The following SPAG16 variants were observed in gnomAD, a reference collection of about 807,000 sequenced individuals.
SPAG16 encodes the protein sperm-associated antigen 16 protein.
Under a neutral mutation model 80.4 loss-of-function variants are expected in SPAG16, and 86 were observed. The ratio of observed to expected loss-of-function variants is 1.07; its 90% confidence interval spans 0.90 to 1.28. SPAG16 has a LOEUF of 1.28. SPAG16 is among the 50% of genes most tolerant of loss of function. The pLI is 0.00. For synonymous variants in SPAG16, 294 were observed against 265.9 expected (o/e 1.11, Z -1.03); for missense variants, 870 against 765.3 (o/e 1.14, Z -1.61).
At chr2:213,750,249 A>T (rs560538842) in intron 10 of SPAG16, among the ~76,000 whole-genome samples, 8 of 152,210 alleles carry the variant, frequency 5.3e-5, no homozygotes, top group Admixed American at 3.9e-4. Context: ...ATTTGCCTTA[A>T]CAAGATTAGT....
At chr2:213,474,087 G>A (rs2073244447) in intron 9 of SPAG16, among the ~76,000 whole-genome samples, 1 of 152,178 alleles carries the variant, frequency 6.6e-6, no homozygotes, top group African/African-American at 2.4e-5. Context: ...TACTGGGCAT[G>A]GGGATGCTTT....
At chr2:213,991,268 C>T (rs1446454934) in intron 12 of SPAG16, among the ~76,000 whole-genome samples, 1 of 152,050 alleles carries the variant, frequency 6.6e-6, no homozygotes, top group Non-Finnish European at 1.5e-5. Context: ...TTTTCTGTTC[C>T]TGTATTACTT....
intron 15 of SPAG16, among the ~76,000 whole-genome samples, chr2:214,268,993 AG>A (rs1214715884): frequency 6.6e-6 from 1 of 152,084 alleles, no homozygotes; most frequent in Admixed American, 6.6e-5. Context: ...TTTCATTTAT[AG>A]AAAGAAACAG....
At chr2:214,325,931 A>G (rs1696445142) in intron 15 of SPAG16, among the ~76,000 whole-genome samples, 1 of 152,176 alleles carries the variant, frequency 6.6e-6, no homozygotes, top group Non-Finnish European at 1.5e-5. Context: ...TGAGCATAGG[A>G]ATCATGCCTG....
At chr2:214,032,826 T>C (rs897612334) in intron 13 of SPAG16, among the ~76,000 whole-genome samples, 3 of 152,220 alleles carry the variant, frequency 2.0e-5, no homozygotes, top group African/African-American at 7.2e-5. Flanking sequence ...GCAAAGACTA[T>C]GGATGAGCAA....
At chr2:213,493,153 C>T (rs7578408) in intron 10 of SPAG16, among the ~76,000 whole-genome samples, 9,013 of 152,194 alleles carry the variant, frequency 0.059, 887 homozygotes, top group African/African-American at 0.2. Flanking sequence ...GCCAGTAATA[C>T]ACAACTATAT....
At chr2:214,250,873 A>C in intron 15 of SPAG16, among the ~76,000 whole-genome samples, 1 of 149,440 alleles carries the variant, frequency 6.7e-6, no homozygotes, top group South Asian at 2.1e-4. Context: ...GAATTGTCTA[A>C]TTTTCTCAGA....
chr2:214,125,740 C>G (rs1348135524), intron 14 of SPAG16, among the ~76,000 whole-genome samples: 1 of 151,648 alleles, frequency 6.6e-6, no homozygotes, highest in Non-Finnish European at 1.5e-5. Context: ...TCTTAAGGAT[C>G]ATAGCCAAAA....
intron 13 of SPAG16, among the ~76,000 whole-genome samples, chr2:214,084,919 C>G (rs965632013): frequency 1.3e-5 from 2 of 152,144 alleles, no homozygotes; most frequent in Non-Finnish European, 2.9e-5. Context: ...AGAAGACTGA[C>G]AAGTAAACAA....
chr2:214,143,086 A>T (rs2055445040), intron 14 of SPAG16, among the ~76,000 whole-genome samples: 1 of 152,160 alleles, frequency 6.6e-6, no homozygotes, highest in African/African-American at 2.4e-5. Context: ...GACATGGTAC[A>T]GCTTAGTGAC....
intron 10 of SPAG16, among the ~76,000 whole-genome samples, chr2:213,574,709 GAT>G (rs933555265): frequency 4.9e-5 from 7 of 143,624 alleles, no homozygotes; most frequent in South Asian, 4.3e-4. Flanking sequence ...TATGATATAT[GAT>G]ATATATATAT....
intron 10 of SPAG16, among the ~76,000 whole-genome samples, chr2:213,823,430 G>A (rs1028303060): frequency 3.9e-5 from 6 of 151,980 alleles, no homozygotes; most frequent in Non-Finnish European, 1.5e-5. Context: ...GCGTGATCTC[G>A]GCTCACCACA....
At chr2:214,301,583 T>C (rs1189848244) in intron 15 of SPAG16, among the ~76,000 whole-genome samples, 1 of 152,182 alleles carries the variant, frequency 6.6e-6, no homozygotes, top group Non-Finnish European at 1.5e-5. Flanking sequence ...GAGATGTTCA[T>C]AGTAGTCTCA....
intron 12 of SPAG16, among the ~76,000 whole-genome samples, chr2:213,988,330 G>A (rs559323315): frequency 7.2e-5 from 11 of 151,958 alleles, no homozygotes; most frequent in East Asian, 1.9e-4. Flanking sequence ...GAGCATCATC[G>A]AGATAGACTG....
At chr2:214,256,674 C>G (rs1428383518) in intron 15 of SPAG16, among the ~76,000 whole-genome samples, 4 of 151,716 alleles carry the variant, frequency 2.6e-5, no homozygotes, top group Non-Finnish European at 5.9e-5. Context: ...AACAACAAAC[C>G]CTTAACTGTC....
intron 9 of SPAG16, among the ~76,000 whole-genome samples, chr2:213,447,651 A>G (rs1420855590): frequency 2.0e-5 from 3 of 152,186 alleles, no homozygotes; most frequent in Non-Finnish European, 2.9e-5. Context: ...ATCAATGTAG[A>G]TTCAAACATT....
At chr2:214,350,288 G>T (rs73087083) in intron 15 of SPAG16, among the ~76,000 whole-genome samples, 1 of 151,868 alleles carries the variant, frequency 6.6e-6, no homozygotes, top group Non-Finnish European at 1.5e-5. Flanking sequence ...CTCTCTTCTC[G>T]GACTCCAGTT....
chr2:213,936,498 G>A (rs773073293), intron 12 of SPAG16, among the ~76,000 whole-genome samples: 1 of 152,110 alleles, frequency 6.6e-6, no homozygotes, highest in Non-Finnish European at 1.5e-5. Context: ...GACCAATTGG[G>A]GAACTATTGT....
At chr2:213,742,268 T>TAC (rs1337118398) in intron 10 of SPAG16, among the ~76,000 whole-genome samples, 1 of 152,188 alleles carries the variant, frequency 6.6e-6, no homozygotes, top group Non-Finnish European at 1.5e-5. Flanking sequence ...CTGTCTTATA[T>TAC]ACTTCTAGTT....
Sources: allele counts gnomAD v4.1 joint callset (sites outside exome capture counted in the v4.1 genomes callset), GRCh38; gene constraint gnomAD v4.1.1; transcripts MANE v1.5; gene names NCBI Gene and HGNC (gene_info 2026-07-23, HGNC 2026-07-21).